Variants in SMYD2 observed in about 807,000 individuals in gnomAD.
SMYD2 encodes the protein SET and MYND domain containing 2.
A neutral mutation model predicts 59.1 loss-of-function variants in SMYD2; 53 were observed. The ratio of observed to expected loss-of-function variants is 0.90; its 90% CI spans 0.72 to 1.13. SMYD2 has a LOEUF of 1.13. SMYD2 is among the 50% of genes most tolerant of loss of function. SMYD2 has a pLI of 0.00. For missense variants in SMYD2, 494 were observed against 544.7 expected (o/e 0.91, Z 0.93); for synonymous variants, 208 against 198.8 (o/e 1.05, Z -0.39).
intron 6 of SMYD2, 32 bp downstream of exon 6, chr1:214,324,740 TTTAC>T (rs779622279): frequency 1.3e-6 from 2 of 1,583,296 alleles, no homozygotes; most frequent in African/African-American, 1.4e-5. Flanking sequence ...TTCTTTCCTT[TTTAC>T]TTACTTAACA....
At chr1:214,288,217 T>C (rs79856820) in intron 1 of SMYD2, among the ~76,000 whole-genome samples, 11,518 of 152,296 alleles carry the variant, frequency 0.076, 493 homozygotes, top group South Asian at 0.2. Flanking sequence ...ATCATATTGC[T>C]CTTTGCAGCC....
Position 214,281,383 on chromosome 1 carries a change from C to T in SMYD2, c.129C>T (p.Leu43=), listed in dbSNP as rs145628253. 8.2e-6 allele frequency: 12 copies of T among 1,466,980 alleles called. No homozygotes were observed. The East Asian group carries it at 2.8e-4, about 34-fold the overall frequency. The allele number at this position is 1,466,980 out of a possible 1,614,324, so 90.9% of individuals were successfully genotyped here. A position where few individuals can be genotyped will look rare whatever the true frequency, so the allele number is the denominator to read the frequency against. ...CCTGCCCGGCCTATGCCTACGTGCT[C>T]ACGGTCAACGAGCGGGGCAACCACT... The part of the protein sequence containing the change: ...LFSCPAYAYV[L]TVNERGNHCE... Residue 43 remains leucine, a synonymous_variant, in exon 1 of 12, where the codon CTC becomes CTT. Transcript: ENST00000366957.
rs1386491029 is a variant in SMYD2, at chr1:214,336,738, A to G, written c.1256A>G (p.Asp419Gly). ...IAIMEVAHGK[D>G]HPYISEIKQE... ...ATCATGGAAGTAGCTCACGGCAAAG[A>G]TCATCCATATATTTCTGAGATCAAA... is the stretch of plus-strand genomic sequence containing the variant. The change falls in exon 12 of 12, where the codon GAT becomes GGT. Residue 419 changes from aspartate (D) to glycine (G), a missense_variant. By Grantham distance (94) the Asp-to-Gly change is moderately conservative. Coordinates refer to ENST00000366957, the MANE Select transcript of SMYD2 (RefSeq NM_020197.3). 1 of 1,613,934 alleles carries G rather than the reference A, an allele frequency of 6.2e-7. No homozygotes were observed. Among genetic ancestry groups the G allele is most frequent in the Non-Finnish European group, 8.5e-7 (1 of 1,179,976 alleles).
At chr1:214,309,565 T>G (rs1173213972) in intron 2 of SMYD2, among the ~76,000 whole-genome samples, 1 of 152,106 alleles carries the variant, frequency 6.6e-6, no homozygotes. Context: ...TTTTTTAAAG[T>G]GTGTATGAGG....
At chr1:214,299,464 A>ATT (rs1213021784) in intron 1 of SMYD2, among the ~76,000 whole-genome samples, 1 of 29,668 alleles carries the variant, frequency 3.4e-5, no homozygotes, top group Admixed American at 4.1e-4. Context: ...TAAAGAAAAC[A>ATT]TTATATATAT....
At chr1:214,305,485 C>A (rs1167700386) in intron 2 of SMYD2, among the ~76,000 whole-genome samples, 1 of 152,244 alleles carries the variant, frequency 6.6e-6, no homozygotes, top group African/African-American at 2.4e-5. Flanking sequence ...ATGTTAGATA[C>A]AGGCAGGTGT....
At chr1:214,283,221 G>A (rs1326588147) in intron 1 of SMYD2, among the ~76,000 whole-genome samples, 1 of 152,210 alleles carries the variant, frequency 6.6e-6, no homozygotes, top group Non-Finnish European at 1.5e-5. Context: ...TGGATGGTCA[G>A]ATGCAAGTTC....
rs770105953 is a variant in SMYD2, at chr1:214,314,857, G to T, written c.333G>T (p.Arg111Ser). 1 of 1,613,848 alleles carries T rather than the reference G, an allele frequency of 6.2e-7. No homozygotes were observed. The highest frequency in any genetic ancestry group is 1.1e-5 in the South Asian group (1 of 91,060). ...NPSETVRLTA[R>S]ILAKQKIHPE... is the part of the protein sequence containing the mutation. ...CGGAGACTGTAAGACTAACAGCAAG[G>T]ATTCTGGCCAAACAGGTGAGGAAAT... Residue 111 changes from arginine (R) to serine (S), a missense_variant, in exon 3 of 12, where the codon AGG becomes AGT. Transcript: ENST00000366957.
At chr1:214,314,941 A>G in intron 3 of SMYD2, 69 bp downstream of exon 3, 1 of 1,188,044 alleles carries the variant, frequency 8.4e-7, no homozygotes, top group East Asian at 2.3e-5. Flanking sequence ...AAAGATGAGT[A>G]ACTGACCTTT....
In SMYD2 at chr1:214,318,571, T is replaced by TG. The variant is rs1223951196; in HGVS notation, c.410-288_410-287insG. Among the ~76,000 whole-genome samples, 4 of 152,096 alleles carry TG rather than the reference T, an allele frequency of 2.6e-5. No homozygotes were observed. The highest frequency in any genetic ancestry group is 9.7e-5 in the African/African-American group (4 of 41,412). On this transcript the variant is annotated intron_variant, in intron 4 of 11. Transcript: ENST00000366957. The surrounding 1 kb of genome is among the most constrained non-coding windows in gnomAD (Gnocchi z 5.4). ...CTAGGCTGAGGCTGGTTATGAGTCA[T>TG]TGCTACCCATCCCTGACCTCATTGC...
In SMYD2 at chr1:214,287,553, C is replaced by G. The variant is rs1045848556; in HGVS notation, c.173+6126C>G. On this transcript the variant is annotated intron_variant, in intron 1 of 11. Coordinates refer to ENST00000366957, the MANE Select transcript of SMYD2 (RefSeq NM_020197.3). ...GGCGAGTTGAGAGTGCGCCACTGTA[C>G]TCCAGCCTGGGAGACAGAGTTAGAC... is the stretch of plus-strand genomic sequence containing the variant. Among the ~76,000 whole-genome samples, 3 of 131,792 alleles carry G rather than the reference C, an allele frequency of 2.3e-5. No homozygotes were observed. In the Admixed American group the frequency reaches 2.7e-4, roughly 12 times the overall value. 86.5% of individuals were successfully genotyped at this position (131,792 alleles called of 152,430 possible).
At chr1:214,281,959 A>G (rs1250296649) in intron 1 of SMYD2, among the ~76,000 whole-genome samples, 3 of 152,232 alleles carry the variant, frequency 2.0e-5, no homozygotes, top group Admixed American at 1.3e-4. Flanking sequence ...GTACGCTTAC[A>G]TGGGTGTTTG....
intron 9 of SMYD2, 125 bp downstream of exon 9, chr1:214,331,195 T>G: frequency 6.4e-6 from 9 of 1,410,152 alleles, no homozygotes; most frequent in Non-Finnish European, 8.7e-6. Flanking sequence ...GAATGTCTCC[T>G]AGTAAATGTG....
Position 214,336,710 on chromosome 1 carries a change from G to C in SMYD2, c.1228G>C (p.Ala410Pro). The C allele has an allele frequency of 6.2e-7, 1 of 1,613,598 alleles. No individual in the cohort carries two copies. Residue 410 changes from alanine (A) to proline (P), a missense_variant, in exon 12 of 12, where the codon GCA becomes CCA. Transcript: ENST00000366957. ...TTGTCTTGCTTTTTCCTAGGCCATT[G>C]CAATCATGGAAGTAGCTCACGGCAA... is the stretch of plus-strand genomic sequence containing the variant. ...AGEKALKKAI[A>P]IMEVAHGKDH...
intron 1 of SMYD2, among the ~76,000 whole-genome samples, chr1:214,285,780 TAGAG>T (rs1656528266): frequency 6.6e-6 from 1 of 152,328 alleles, no homozygotes; most frequent in South Asian, 2.1e-4. Flanking sequence ...GCCAGCATGC[TAGAG>T]TGTACTTACA....
chr1:214,319,855 G>T (rs549696725), intron 5 of SMYD2, among the ~76,000 whole-genome samples: 22 of 152,322 alleles, frequency 1.4e-4, no homozygotes, highest in Middle Eastern at 3.4e-3. Flanking sequence ...TCAGTCTCCG[G>T]ATGTGTAAAA....
intron 6 of SMYD2, among the ~76,000 whole-genome samples, chr1:214,326,368 T>C (rs1558056961): frequency 6.6e-6 from 1 of 152,172 alleles, no homozygotes; most frequent in South Asian, 2.1e-4. Flanking sequence ...CCCACCTTCA[T>C]TAAAGAGATA....
chr1:214,299,414 A>G (rs1484601865), intron 1 of SMYD2, among the ~76,000 whole-genome samples: 1 of 151,204 alleles, frequency 6.6e-6, no homozygotes, highest in East Asian at 1.9e-4. Context: ...ACTAGCAAAG[A>G]CACAGAATCA....
At position 214,314,748 on chromosome 1, in the gene SMYD2, T is replaced by C. The variant is rs1171049952; in HGVS notation, c.238-14T>C. On this transcript the variant is annotated splice_polypyrimidine_tract_variant and intron_variant, in intron 2 of 11. Transcript: ENST00000366957. ...TGTGCTATTTTTTAATAATGTTTTT[T>C]TCAATCTTCCCAGAAAGAAGATTGG... 6 of 1,600,894 alleles carry C rather than the reference T, an allele frequency of 3.7e-6. No individual in the cohort carries two copies. Among genetic ancestry groups the C allele is most frequent in the Non-Finnish European group, 5.1e-6 (6 of 1,168,288 alleles).
Sources: allele counts gnomAD v4.1 joint callset (sites outside exome capture counted in the v4.1 genomes callset), GRCh38; gene constraint gnomAD v4.1.1; non-coding constraint Gnocchi (gnomAD v3.1); transcripts MANE v1.5; gene names NCBI Gene and HGNC (gene_info 2026-07-23, HGNC 2026-07-21).